JPH3: variants seen among roughly 807,000 people sequenced by gnomAD.
JPH3 encodes the protein junctophilin 3, also known as junctophilin-3.
JPH3 carries 11 observed loss-of-function variants against 59.6 expected under a neutral mutation model. The observed-to-expected ratio is 0.18, with a 90% CI of 0.12 to 0.31. The LOEUF (loss-of-function observed/expected upper bound fraction) is 0.31, where lower values mean the gene tolerates loss of function less well. Ranked by LOEUF, JPH3 falls within the 10% of genes least tolerant of loss-of-function variation. JPH3 has a pLI of 1.00. For missense variants in JPH3, 1,202 were observed against 1,105.7 expected (o/e 1.09, Z -1.24); for synonymous variants, 673 against 483.6 (o/e 1.39, Z -5.14).
intron 2 of JPH3, among the ~76,000 whole-genome samples, chr16:87,656,682 G>T (rs1017957889): frequency 2.6e-5 from 4 of 152,220 alleles, no homozygotes; most frequent in Non-Finnish European, 5.9e-5. Context: ...AGTTAGGACA[G>T]AGGACGAGGA....
chr16:87,630,508 T>A (rs955756201), intron 1 of JPH3, among the ~76,000 whole-genome samples: 3 of 152,118 alleles, frequency 2.0e-5, no homozygotes, highest in Non-Finnish European at 2.9e-5. Context: ...ACACCCACGT[T>A]GACAACGTAC....
chr16:87,651,650 C>A (rs1231622467), intron 2 of JPH3, among the ~76,000 whole-genome samples: 2 of 152,256 alleles, frequency 1.3e-5, no homozygotes, highest in Admixed American at 6.5e-5. Flanking sequence ...AGAAGCGGAG[C>A]CTGCCGATGG....
chr16:87,660,612 G>A (rs1040625006), intron 2 of JPH3, among the ~76,000 whole-genome samples: 7 of 152,152 alleles, frequency 4.6e-5, no homozygotes, highest in African/African-American at 7.2e-5. Context: ...CAGTCTCCCC[G>A]TTTTGTAGAG....
chr16:87,661,551 G>C (rs370068768), intron 2 of JPH3, among the ~76,000 whole-genome samples: 2 of 152,248 alleles, frequency 1.3e-5, no homozygotes, highest in Non-Finnish European at 2.9e-5. Context: ...ACCACCATGT[G>C]TGACTGTCCA....
At chr16:87,604,191 A>G (rs1332249686) in intron 1 of JPH3, 18 of 1,408,874 alleles carry the variant, frequency 1.3e-5, no homozygotes, top group South Asian at 3.6e-5. Context: ...CAGTGGCTGC[A>G]TCGTTTTCAC....
rs573041032 is a variant in JPH3, at chr16:87,651,410, G to C, written c.1160+6375G>C. Among the ~76,000 whole-genome samples, 5 of 152,336 alleles carry C rather than the reference G, an allele frequency of 3.3e-5. 1 individual carries two copies. In the East Asian group the frequency reaches 9.6e-4, roughly 29 times the overall value. On this transcript the variant is annotated intron_variant, in intron 2 of 4. Transcript: ENST00000284262. Reference sequence around the variant, plus strand: ...ACATTTAGTAAGGCTGCCATAGATAGTGATTTCTCTGATGGATCTGGGCAA... The same window carrying C: ...ACATTTAGTAAGGCTGCCATAGATACTGATTTCTCTGATGGATCTGGGCAA...
chr16:87,656,314 T>G (rs1049894760), intron 2 of JPH3, among the ~76,000 whole-genome samples: 4 of 152,136 alleles, frequency 2.6e-5, no homozygotes, highest in African/African-American at 7.2e-5. Flanking sequence ...AAGGACTGGA[T>G]GCACACCTTC....
At chr16:87,610,142 C>T (rs2030678064) in intron 1 of JPH3, among the ~76,000 whole-genome samples, 1 of 152,212 alleles carries the variant, frequency 6.6e-6, no homozygotes, top group South Asian at 2.1e-4. Context: ...CTGCTGATCT[C>T]ACAGGAGGCA....
intron 2 of JPH3, among the ~76,000 whole-genome samples, chr16:87,665,095 C>T (rs1446879600): frequency 6.6e-6 from 1 of 152,224 alleles, no homozygotes; most frequent in Admixed American, 6.5e-5. Context: ...GGAGCTCATC[C>T]CTTTGACTCC....
At chr16:87,648,428 T>C (rs1597260676) in intron 2 of JPH3, among the ~76,000 whole-genome samples, 1 of 151,578 alleles carries the variant, frequency 6.6e-6, no homozygotes, top group African/African-American at 2.4e-5. Context: ...AGTCGAGAGA[T>C]GCGAGGGAGT....
At chr16:87,623,500 C>T (rs1327478212) in intron 1 of JPH3, among the ~76,000 whole-genome samples, 2 of 152,202 alleles carry the variant, frequency 1.3e-5, no homozygotes, top group Admixed American at 1.3e-4. Context: ...CCACTGTGGG[C>T]TTGAGGCATC....
chr16:87,651,394 A>G (rs1396115682), intron 2 of JPH3, among the ~76,000 whole-genome samples: 1 of 152,244 alleles, frequency 6.6e-6, no homozygotes, highest in African/African-American at 2.4e-5. Flanking sequence ...TACATTTAGT[A>G]AGGCTGCCAT....
intron 2 of JPH3, among the ~76,000 whole-genome samples, chr16:87,661,093 A>T (rs2032687167): frequency 6.6e-6 from 1 of 152,232 alleles, no homozygotes; most frequent in African/African-American, 2.4e-5. Flanking sequence ...GGCTCCAGGG[A>T]GAATGTGTTC....
rs189516313 is a variant in JPH3 at position 87,662,742 on chromosome 16, T to G, written c.1160+17707T>G. Among the ~76,000 whole-genome samples the G allele has an allele frequency of 1.5e-3, 223 of 152,334 alleles. 1 individual carries two copies. In the East Asian group the frequency reaches 0.036, roughly 25 times the overall value. ...GCTTTCCTCTGGCTCATCTTGAAGT[T>G]AAAATGTAGCTCAGACCCTCCTCAG... On this transcript the variant is annotated intron_variant, in intron 2 of 4. Transcript: ENST00000284262.
At chr16:87,675,009 G>A (rs542093146) in intron 2 of JPH3, among the ~76,000 whole-genome samples, 1 of 152,216 alleles carries the variant, frequency 6.6e-6, no homozygotes, top group African/African-American at 2.4e-5. Context: ...TGATCCACCA[G>A]CCTCGGCCTC....
intron 1 of JPH3, among the ~76,000 whole-genome samples, chr16:87,614,307 A>G (rs113915517): frequency 7.6e-6 from 1 of 130,806 alleles, no homozygotes; most frequent in Admixed American, 7.3e-5. Flanking sequence ...CGTCCCCTCC[A>G]AGGATAAAGG....
intron 2 of JPH3, among the ~76,000 whole-genome samples, chr16:87,670,193 G>A (rs1214566685): frequency 1.3e-5 from 2 of 152,168 alleles, no homozygotes; most frequent in African/African-American, 4.8e-5. Flanking sequence ...CACCCTCGGA[G>A]CCCAGCAGCG....
intron 1 of JPH3, among the ~76,000 whole-genome samples, chr16:87,626,810 C>T (rs1242280349): frequency 6.6e-6 from 1 of 152,168 alleles, no homozygotes; most frequent in African/African-American, 2.4e-5. Context: ...CACTCAGGCA[C>T]AGCTCTTCAG....
intron 3 of JPH3, among the ~76,000 whole-genome samples, chr16:87,688,849 G>C (rs2033482769): frequency 6.6e-6 from 1 of 152,332 alleles, no homozygotes; most frequent in East Asian, 1.9e-4. Context: ...CCGTGTCCCT[G>C]CGTTGGCAGG....
Sources: gnomAD v4.1 joint callset for allele counts (sites outside exome capture counted in the v4.1 genomes callset) on GRCh38, gnomAD v4.1.1 for gene constraint, MANE v1.5 for transcripts, NCBI Gene and HGNC (gene_info 2026-07-23, HGNC 2026-07-21) for gene names.